The following KCTD19 variants were observed in gnomAD, a reference collection of about 807,000 sequenced individuals.
The protein encoded by KCTD19 is BTB/POZ domain-containing protein KCTD19.
Under a neutral mutation model 103.5 loss-of-function variants are expected in KCTD19, and 67 were observed. The ratio of observed to expected loss-of-function variants is 0.65; its 90% CI spans 0.53 to 0.79. KCTD19 has a LOEUF of 0.79. KCTD19 is among the 30% of genes least tolerant of loss of function. The pLI, the probability that KCTD19 is intolerant of heterozygous loss-of-function variation, is 0.00. For missense variants in KCTD19, 980 were observed against 1,136.1 expected (o/e 0.86, Z 1.98); for synonymous variants, 439 against 452.2 (o/e 0.97, Z 0.37).
At chr16:67,296,295 T>C (rs750680026) in intron 7 of KCTD19, 36 bp from the exon 8 acceptor site, 1 of 1,345,326 alleles carries the variant, frequency 7.4e-7, no homozygotes, top group Admixed American at 1.7e-5. Context: ...CATCATCATA[T>C]GGCCAGAAGG....
chr16:67,305,600 C>T (rs1480785499), intron 2 of KCTD19: 1 of 455,706 alleles, frequency 2.2e-6, no homozygotes, highest in Non-Finnish European at 4.4e-6. Context: ...GACCCATTCT[C>T]CCTCAAAAGT....
intron 2 of KCTD19, among the ~76,000 whole-genome samples, chr16:67,315,866 G>C (rs369577714): frequency 1.3e-5 from 2 of 151,824 alleles, no homozygotes; most frequent in African/African-American, 4.8e-5. Flanking sequence ...CACCCACCTC[G>C]GACTCCCAAA....
chr16:67,322,675 C>T (rs185850152), intron 1 of KCTD19, among the ~76,000 whole-genome samples: 222 of 152,040 alleles, frequency 1.5e-3, no homozygotes, highest in South Asian at 1.4e-3. Flanking sequence ...AGATGTGACA[C>T]TAAAAGCAAA....
intron 12 of KCTD19, among the ~76,000 whole-genome samples, chr16:67,292,691 C>T (rs1304687292): frequency 2.0e-5 from 3 of 152,066 alleles, no homozygotes; most frequent in Non-Finnish European, 4.4e-5. Context: ...CCTGGCACAG[C>T]GATTTTCAGC....
Position 67,304,310 on chromosome 16 carries a change from T to C in KCTD19, c.451+111A>G, listed in dbSNP as rs1187887215. On this transcript the variant is annotated intron_variant, in intron 3 of 15. Coordinates refer to ENST00000304372, the MANE Select transcript of KCTD19 (RefSeq NM_001100915.3). ...GAAGATCAAAGGAGATGACAGAGAC[T>C]GCCTCAGAAATCAGGCACTCTCTGC... is the stretch of plus-strand genomic sequence containing the variant. 3 of 1,054,040 alleles carry C rather than the reference T, an allele frequency of 2.8e-6. No homozygotes were observed. In the Admixed American group the frequency reaches 5.7e-5, roughly 20 times the overall value. The allele number at this position is 1,054,040 out of a possible 1,614,324, so 65.3% of individuals were successfully genotyped here.
Position 67,293,488 on chromosome 16 carries a change from A to C in KCTD19, c.2218+56T>G. 26 of 1,564,422 alleles carry C rather than the reference A, an allele frequency of 1.7e-5. No individual in the cohort carries two copies. Among genetic ancestry groups the C allele is most frequent in the Non-Finnish European group, 2.2e-5 (25 of 1,151,346 alleles). ...TAACTTGCTCTGCCATCTTGGCCAA[A>C]GAGTTTGCCTTCTCTGTTGTGAATA... On this transcript the variant is annotated intron_variant, in intron 12 of 15. Coordinates refer to ENST00000304372, the MANE Select transcript of KCTD19 (RefSeq NM_001100915.3). This position sits in a 1 kb window ranked among gnomAD's most constrained non-coding sequence, Gnocchi z 4.0.
At position 67,303,475 on chromosome 16, in the gene KCTD19, A is replaced by T; in HGVS notation, c.452-138T>A. The T allele has an allele frequency of 1.6e-6, 1 of 606,786 alleles. No individual in the cohort carries two copies. The highest frequency in any genetic ancestry group is 2.8e-6 in the Non-Finnish European group (1 of 350,930). 37.6% of individuals were successfully genotyped at this position (606,786 alleles called of 1,614,324 possible). ...ATATGGTCCTTGCCACTTGCCAGACACATCTTCCTTCTTTATCTTTTCAGT... is the reference window on the plus strand; with the variant it reads ...ATATGGTCCTTGCCACTTGCCAGACTCATCTTCCTTCTTTATCTTTTCAGT... On this transcript the variant is annotated intron_variant, in intron 3 of 15. Coordinates refer to ENST00000304372, the MANE Select transcript of KCTD19 (RefSeq NM_001100915.3). This position sits in a 1 kb window ranked among gnomAD's most constrained non-coding sequence, Gnocchi z 4.3.
At position 67,293,442 on chromosome 16, in the gene KCTD19, G is replaced by A. The variant is rs1044560998; in HGVS notation, c.2218+102C>T. 8 of 1,285,582 alleles carry A rather than the reference G, an allele frequency of 6.2e-6. No homozygotes were observed. Among genetic ancestry groups the A allele is most frequent in the East Asian group, 2.3e-5 (1 of 43,088 alleles). The allele number at this position is 1,285,582 out of a possible 1,614,324, so 79.6% of individuals were successfully genotyped here. ...CAGAGATGGCATTGGTGAGCGGGGGGGTCTAGTCCTCCTTTGTCACTAACT... is the reference window on the plus strand; with the variant it reads ...CAGAGATGGCATTGGTGAGCGGGGGAGTCTAGTCCTCCTTTGTCACTAACT... On this transcript the variant is annotated intron_variant, in intron 12 of 15. Transcript: ENST00000304372. The surrounding 1 kb of genome is among the most constrained non-coding windows in gnomAD (Gnocchi z 4.0).
intron 2 of KCTD19, among the ~76,000 whole-genome samples, chr16:67,318,567 A>G (rs888663786): frequency 1.3e-5 from 2 of 151,832 alleles, no homozygotes; most frequent in African/African-American, 4.8e-5. Flanking sequence ...CAAAAAAAAA[A>G]AAAAAAAAAA....
chr16:67,302,231 A>G (rs2036842017), intron 4 of KCTD19: 1 of 279,762 alleles, frequency 3.6e-6, no homozygotes, highest in Non-Finnish European at 6.9e-6. Flanking sequence ...TTTTGACCCA[A>G]GAGCAGGTCA....
At chr16:67,313,086 C>T (rs1427265329) in intron 2 of KCTD19, among the ~76,000 whole-genome samples, 2 of 151,690 alleles carry the variant, frequency 1.3e-5, no homozygotes, top group Admixed American at 6.6e-5. Flanking sequence ...TCCAGTAAAA[C>T]TTTATCAATG....
intron 5 of KCTD19, 34 bp from the exon 6 acceptor site, chr16:67,299,607 C>G: frequency 6.3e-7 from 1 of 1,582,682 alleles, no homozygotes. Flanking sequence ...CTCCTAGGCC[C>G]CCCATGGTCA....
chr16:67,314,133 A>C (rs931729490), intron 2 of KCTD19, among the ~76,000 whole-genome samples: 2 of 151,734 alleles, frequency 1.3e-5, no homozygotes, highest in African/African-American at 4.8e-5. Flanking sequence ...TTGAGATTAC[A>C]GGTGTGAGCC....
chr16:67,318,391 G>C (rs2037035016), intron 2 of KCTD19, among the ~76,000 whole-genome samples: 1 of 151,930 alleles, frequency 6.6e-6, no homozygotes, highest in Non-Finnish European at 1.5e-5. Context: ...GTGAAACCCT[G>C]TCTCTACTAA....
chr16:67,293,168 T>C lies in KCTD19; in HGVS notation c.2218+376A>G, dbSNP rs2036719703. ...CCACGAGGCCTGTCCTTATGACTTC[T>C]GTCTTCAGCCTCATCTTTTATCACG... On this transcript the variant is annotated intron_variant, in intron 12 of 15. Transcript: ENST00000304372. This position sits in a 1 kb window ranked among gnomAD's most constrained non-coding sequence, Gnocchi z 4.0. Among the ~76,000 whole-genome samples the C allele has an allele frequency of 6.6e-6, 1 of 152,258 alleles. No individual in the cohort carries two copies. Among genetic ancestry groups the C allele is most frequent in the Middle Eastern group, 3.2e-3 (1 of 316 alleles).
intron 2 of KCTD19, among the ~76,000 whole-genome samples, chr16:67,312,836 C>G (rs1256229474): frequency 6.6e-6 from 1 of 152,146 alleles, no homozygotes; most frequent in Admixed American, 6.5e-5. Flanking sequence ...TAGAACAAAC[C>G]ACCATTATCT....
At chr16:67,291,089 A>G in intron 14 of KCTD19, 103 bp from the exon 15 acceptor site, 2 of 1,307,682 alleles carry the variant, frequency 1.5e-6, no homozygotes, top group Non-Finnish European at 2.1e-6. Context: ...CCACAGGGGT[A>G]GGGGGCGGGC....
intron 2 of KCTD19, among the ~76,000 whole-genome samples, chr16:67,312,922 G>C (rs1367412379): frequency 6.6e-6 from 1 of 151,986 alleles, no homozygotes; most frequent in Non-Finnish European, 1.5e-5. Flanking sequence ...CTAGGCCAGG[G>C]GTCAGCAAGT....
Position 67,303,108 on chromosome 16 carries a change from C to CTGGGGGGGGG in KCTD19, c.643+37_643+38insCCCCCCCCCA. Reference sequence around the variant, plus strand: ...ATGGGGAGGGGTGAATGGGCCCTATCAGCCCGCCCCCCACCCCACCCCGGA... The same window carrying CTGGGGGGGGG: ...ATGGGGAGGGGTGAATGGGCCCTATCTGGGGGGGGGAGCCCGCCCCCCACCCCACCCCGGA... On this transcript the variant is annotated intron_variant, in intron 4 of 15. Coordinates refer to ENST00000304372, the MANE Select transcript of KCTD19 (RefSeq NM_001100915.3). The surrounding 1 kb of genome is among the most constrained non-coding windows in gnomAD (Gnocchi z 4.3). 3.8e-6 allele frequency: 3 copies of CTGGGGGGGGG among 798,078 alleles called. No homozygotes were observed. Among genetic ancestry groups the CTGGGGGGGGG allele is most frequent in the East Asian group, 5.5e-5 (2 of 36,056 alleles). 49.4% of individuals were successfully genotyped at this position (798,078 alleles called of 1,614,324 possible).
Sources: gnomAD v4.1 joint callset for allele counts (sites outside exome capture counted in the v4.1 genomes callset) on GRCh38, gnomAD v4.1.1 for gene constraint, Gnocchi (gnomAD v3.1) non-coding constraint, MANE v1.5 for transcripts, NCBI Gene and HGNC (gene_info 2026-07-23, HGNC 2026-07-21) for gene names.